CA8: variants seen among roughly 807,000 people sequenced by gnomAD.
CA8 encodes the protein carbonic anhydrase 8 (inactive).
Under a neutral mutation model 41.4 loss-of-function variants are expected in CA8, and 22 were observed. That is an observed-to-expected ratio of 0.53 (90% CI 0.38 to 0.76). The LOEUF is 0.76. Among genes scored for constraint, CA8 ranks in the 30% least tolerant of loss-of-function variants. The pLI is 0.00. For synonymous variants in CA8, 121 were observed against 130.6 expected (o/e 0.93, Z 0.50); for missense variants, 270 against 352.8 (o/e 0.77, Z 1.88).
intron 7 of CA8, among the ~76,000 whole-genome samples, chr8:60,212,585 A>G (rs1167182726): frequency 6.6e-6 from 1 of 152,248 alleles, no homozygotes; most frequent in Admixed American, 6.5e-5. Flanking sequence ...TGTGGAATCT[A>G]AAACAATCAA....
chr8:60,275,331 A>G (rs1804196948), intron 2 of CA8, among the ~76,000 whole-genome samples: 1 of 152,218 alleles, frequency 6.6e-6, no homozygotes, highest in South Asian at 2.1e-4. Context: ...TCCGAAATAA[A>G]AGAGGGATGC....
At chr8:60,255,878 G>T (rs1019946387) in intron 3 of CA8, among the ~76,000 whole-genome samples, 12 of 151,550 alleles carry the variant, frequency 7.9e-5, no homozygotes, top group African/African-American at 2.7e-4. Context: ...GAGAAACTCA[G>T]TGCAAGGTGC....
At position 60,280,825 on chromosome 8, in the gene CA8, G is replaced by GAGAGCGCAGGCGGCGGA. The variant is rs1283782730; in HGVS notation, c.100+206_100+222dup. On this transcript the variant is annotated intron_variant, in intron 1 of 8. Coordinates refer to ENST00000317995, the MANE Select transcript of CA8 (RefSeq NM_004056.6). ...CCAGCCCTGCGGAAGGCTCCCGGGT[G>GAGAGCGCAGGCGGCGGA]AGAGCGCAGGCGGCGGAAGAGCGCA... Among the ~76,000 whole-genome samples, 210 of 152,332 alleles carry GAGAGCGCAGGCGGCGGA rather than the reference G, an allele frequency of 1.4e-3. 1 individual carries two copies. The highest frequency in any genetic ancestry group is 8.8e-4 in the Non-Finnish European group (60 of 68,030).
At position 60,186,994 on chromosome 8, in the gene CA8, T is replaced by C. The variant is rs944551954; in HGVS notation, c.*3027A>G. ...GCCAACACTATAGACCTAACAGCCA[T>C]CTATCTATAGAACACAGCATCCAAC... is the stretch of plus-strand genomic sequence containing the variant. On this transcript the variant is annotated 3_prime_UTR_variant, in exon 9 of 9. Coordinates refer to ENST00000317995, the MANE Select transcript of CA8 (RefSeq NM_004056.6). Among the ~76,000 whole-genome samples the C allele has an allele frequency of 6.6e-6, 1 of 152,042 alleles. No individual in the cohort carries two copies. Among genetic ancestry groups the C allele is most frequent in the African/African-American group, 2.4e-5 (1 of 41,422 alleles).
At chr8:60,225,889 C>T (rs758288543) in intron 5 of CA8, among the ~76,000 whole-genome samples, 1 of 152,106 alleles carries the variant, frequency 6.6e-6, no homozygotes, top group Non-Finnish European at 1.5e-5. Flanking sequence ...TTTGCAAGGC[C>T]GAGGTGGGTG....
At chr8:60,266,255 C>G (rs1803898695) in intron 2 of CA8, among the ~76,000 whole-genome samples, 1 of 152,134 alleles carries the variant, frequency 6.6e-6, no homozygotes, top group Admixed American at 6.5e-5. Context: ...GCCATTCAGA[C>G]ACGGAAGTTC....
chr8:60,193,044 C>G (rs10086973), intron 8 of CA8, among the ~76,000 whole-genome samples: 14,274 of 151,658 alleles, frequency 0.094, 1,513 homozygotes, highest in African/African-American at 0.26. Flanking sequence ...TATAGTAAAT[C>G]TGGTTGAATC....
At chr8:60,265,579 G>A (rs532580467) in intron 3 of CA8, 6 of 280,446 alleles carry the variant, frequency 2.1e-5, no homozygotes, top group East Asian at 1.9e-4. Flanking sequence ...TTTCTCCAAC[G>A]GTTGCTTGTC....
intron 3 of CA8, among the ~76,000 whole-genome samples, chr8:60,233,520 C>T (rs1157156492): frequency 6.6e-6 from 1 of 152,200 alleles, no homozygotes; most frequent in Admixed American, 6.5e-5. Flanking sequence ...GAAAAACTCA[C>T]AGAGACTGTG....
chr8:60,279,114 C>T (rs1804330432), intron 2 of CA8, among the ~76,000 whole-genome samples: 1 of 123,596 alleles, frequency 8.1e-6, no homozygotes, highest in South Asian at 2.6e-4. Flanking sequence ...TGGGATGGAA[C>T]TTAAATAAAT....
chr8:60,226,851 A>G (rs370791048), intron 5 of CA8, 22 bp downstream of exon 5: 34 of 1,444,840 alleles, frequency 2.4e-5, no homozygotes, highest in Non-Finnish European at 3.1e-5. Context: ...GTATTTCTAT[A>G]TTATTTTAAA....
At chr8:60,241,380 C>T (rs1036852709) in intron 3 of CA8, among the ~76,000 whole-genome samples, 2 of 152,162 alleles carry the variant, frequency 1.3e-5, no homozygotes, top group Non-Finnish European at 2.9e-5. Context: ...AGAGCAACTT[C>T]CCCCATGAAG....
intron 3 of CA8, among the ~76,000 whole-genome samples, chr8:60,244,055 C>G (rs1180016026): frequency 6.6e-6 from 1 of 152,176 alleles, no homozygotes; most frequent in Non-Finnish European, 1.5e-5. Flanking sequence ...CAGCTGAGTT[C>G]CCTCCACCGC....
chr8:60,256,302 ACAGT>A (rs1452750938), intron 3 of CA8, among the ~76,000 whole-genome samples: 1 of 152,236 alleles, frequency 6.6e-6, no homozygotes, highest in African/African-American at 2.4e-5. Context: ...TTGAGGTTAA[ACAGT>A]CAGAAAACAA....
Position 60,188,456 on chromosome 8 carries a change from T to C in CA8, c.*1565A>G, listed in dbSNP as rs1390824968. 6.6e-6 allele frequency: 1 copy of C among 152,162 alleles called. No homozygotes were observed. Among genetic ancestry groups the C allele is most frequent in the Non-Finnish European group, 1.5e-5 (1 of 68,032 alleles). 9.4% of individuals were successfully genotyped at this position (152,162 alleles called of 1,614,324 possible). ...TATGGAAGGCTTCAGATCTAGTCTT[T>C]TGATGTTAATTACAAATAAGGCTGC... On this transcript the variant is annotated 3_prime_UTR_variant, in exon 9 of 9. Transcript: ENST00000317995.
Position 60,281,123 on chromosome 8 carries a change from C to T in CA8, c.25G>A (p.Asp9Asn). 2 of 1,589,222 alleles carry T rather than the reference C, an allele frequency of 1.3e-6. No individual in the cohort carries two copies. Among genetic ancestry groups the T allele is most frequent in the South Asian group, 1.1e-5 (1 of 87,216 alleles). Residue 9 changes from aspartate to asparagine, a missense_variant, in exon 1 of 9, where the codon GAT becomes AAT. Transcript: ENST00000317995. ...TCCTTCTCGGGGAAGGCGACGGTAT[C>T]TTCGATGAAGCTCAGGTCCGCCATG... Reference protein sequence around the residue: MADLSFIEDTVAFPEKEED... With the variant: MADLSFIENTVAFPEKEED...
At chr8:60,204,498 A>G (rs1348660889) in intron 8 of CA8, among the ~76,000 whole-genome samples, 1 of 152,220 alleles carries the variant, frequency 6.6e-6, no homozygotes, top group Non-Finnish European at 1.5e-5. Flanking sequence ...ATTTTAAAGC[A>G]CGAATTATTT....
intron 3 of CA8, among the ~76,000 whole-genome samples, chr8:60,256,087 TTTA>T (rs1270657308): frequency 1.3e-5 from 2 of 152,048 alleles, no homozygotes; most frequent in Non-Finnish European, 2.9e-5. Flanking sequence ...TTTTGTATCT[TTTA>T]GTAGAGATGG....
chr8:60,259,297 C>T (rs1803655024), intron 3 of CA8, among the ~76,000 whole-genome samples: 2 of 152,204 alleles, frequency 1.3e-5, no homozygotes, highest in Admixed American at 1.3e-4. Context: ...TTTTCTACTG[C>T]AGTATCTATA....
Sources: allele counts gnomAD v4.1 joint callset (sites outside exome capture counted in the v4.1 genomes callset), GRCh38; gene constraint gnomAD v4.1.1; transcripts MANE v1.5; gene names NCBI Gene and HGNC (gene_info 2026-07-23, HGNC 2026-07-21).